THSD4: variants seen among roughly 807,000 people sequenced by gnomAD.
THSD4 encodes the protein thrombospondin type-1 domain-containing protein 4.
Under a neutral mutation model 119.0 loss-of-function variants are expected in THSD4, and 69 were observed. That is an observed-to-expected ratio of 0.58 (90% CI 0.48 to 0.71). The LOEUF (loss-of-function observed/expected upper bound fraction) is 0.71, where lower values mean the gene tolerates loss of function less well. Ranked by LOEUF, THSD4 falls within the 30% of genes least tolerant of loss-of-function variation. THSD4 has a pLI of 0.00. For missense variants in THSD4, 1,393 were observed against 1,391.1 expected (o/e 1.00, Z -0.02); for synonymous variants, 524 against 540.4 (o/e 0.97, Z 0.42).
chr15:71,611,213 G>T (rs536547391), intron 7 of THSD4, among the ~76,000 whole-genome samples: 53 of 152,312 alleles, frequency 3.5e-4, no homozygotes, highest in African/African-American at 1.2e-3. Context: ...GCCAGTTTCA[G>T]CGCATGGACT....
At chr15:71,331,159 G>A (rs566150001) in intron 6 of THSD4, among the ~76,000 whole-genome samples, 8 of 152,328 alleles carry the variant, frequency 5.3e-5, no homozygotes, top group African/African-American at 1.2e-4. Context: ...CTGTTTGGGC[G>A]TCTCCCCAGC....
intron 7 of THSD4, among the ~76,000 whole-genome samples, chr15:71,621,770 T>G (rs2050422684): frequency 6.6e-6 from 1 of 152,230 alleles, no homozygotes; most frequent in Non-Finnish European, 1.5e-5. Flanking sequence ...AACAAAAATA[T>G]TCACTTGTGC....
At chr15:71,215,529 A>G (rs773034131) in intron 4 of THSD4, 130 bp downstream of exon 4, 1 of 1,021,338 alleles carries the variant, frequency 9.8e-7, no homozygotes, top group Non-Finnish European at 1.3e-6. Context: ...CCAGGTGGCA[A>G]GGAGCTCTGG....
chr15:71,217,954 T>G (rs953119254), intron 4 of THSD4, among the ~76,000 whole-genome samples: 1 of 151,916 alleles, frequency 6.6e-6, no homozygotes, highest in African/African-American at 2.4e-5. Flanking sequence ...GCCTAGCTAA[T>G]TTTTGTATTT....
At chr15:71,399,896 CTG>C (rs2046503877) in intron 6 of THSD4, among the ~76,000 whole-genome samples, 1 of 152,072 alleles carries the variant, frequency 6.6e-6, no homozygotes, top group African/African-American at 2.4e-5. Context: ...AAAATTAGAA[CTG>C]TGTTTAAGTA....
intron 3 of THSD4, among the ~76,000 whole-genome samples, chr15:71,202,628 C>G (rs1379471431): frequency 6.6e-6 from 1 of 152,142 alleles, no homozygotes; most frequent in Non-Finnish European, 1.5e-5. Context: ...TTTTAAATTA[C>G]TTATCATAAG....
At chr15:71,225,343 C>A (rs1316996180) in intron 4 of THSD4, among the ~76,000 whole-genome samples, 4 of 152,034 alleles carry the variant, frequency 2.6e-5, no homozygotes, top group South Asian at 2.1e-4. Context: ...CAAGTCACCT[C>A]ATTTCTCTGG....
At chr15:71,490,388 G>C (rs1474818203) in intron 7 of THSD4, among the ~76,000 whole-genome samples, 2 of 152,000 alleles carry the variant, frequency 1.3e-5, no homozygotes, top group African/African-American at 4.8e-5. Context: ...GTGAAACCCC[G>C]TCTCTACTAA....
intron 6 of THSD4, among the ~76,000 whole-genome samples, chr15:71,279,005 C>T (rs984787644): frequency 5.3e-5 from 8 of 152,118 alleles, no homozygotes; most frequent in East Asian, 1.9e-4. Flanking sequence ...TGATTTTAAA[C>T]GGAGCAGCCT....
At chr15:71,669,715 A>G (rs1046515659) in intron 8 of THSD4, among the ~76,000 whole-genome samples, 1 of 152,130 alleles carries the variant, frequency 6.6e-6, no homozygotes, top group African/African-American at 2.4e-5. Flanking sequence ...TTTCCTCCAC[A>G]ATTACTTTCA....
intron 17 of THSD4, among the ~76,000 whole-genome samples, chr15:71,771,436 G>A (rs1284112896): frequency 6.6e-6 from 1 of 152,160 alleles, no homozygotes; most frequent in Non-Finnish European, 1.5e-5. Flanking sequence ...ACTTTAGTGT[G>A]GATTGATTAA....
At chr15:71,124,501 A>G (rs1281937337) in intron 1 of THSD4, among the ~76,000 whole-genome samples, 19 of 152,190 alleles carry the variant, frequency 1.2e-4, no homozygotes. Flanking sequence ...AAATATCCTG[A>G]TAGTCAACAA....
chr15:71,609,930 G>C (rs186941461), intron 7 of THSD4, among the ~76,000 whole-genome samples: 99 of 152,072 alleles, frequency 6.5e-4, no homozygotes, highest in African/African-American at 2.3e-3. Context: ...TATATCCCAG[G>C]CACTGAAAGA....
intron 10 of THSD4, chr15:71,733,779 A>G (rs2053027392): frequency 6.6e-6 from 1 of 151,880 alleles, no homozygotes; most frequent in South Asian, 2.1e-4. Context: ...AAGCAGCTGG[A>G]TGTGGTGGCA....
At chr15:71,325,160 A>T (rs2045322384) in intron 6 of THSD4, among the ~76,000 whole-genome samples, 1 of 152,136 alleles carries the variant, frequency 6.6e-6, no homozygotes, top group African/African-American at 2.4e-5. Flanking sequence ...TATATAACCA[A>T]CCCTTCTTGC....
At chr15:71,385,338 A>C (rs1208865944) in intron 6 of THSD4, among the ~76,000 whole-genome samples, 1 of 152,188 alleles carries the variant, frequency 6.6e-6, no homozygotes, top group Non-Finnish European at 1.5e-5. Context: ...CCTGGGGGTC[A>C]TTGGAGTCTG....
At chr15:71,352,998 T>C (rs900538560) in intron 6 of THSD4, among the ~76,000 whole-genome samples, 2 of 152,078 alleles carry the variant, frequency 1.3e-5, no homozygotes, top group Non-Finnish European at 2.9e-5. Context: ...GGTGGGACGA[T>C]TGGGAGAGGA....
intron 3 of THSD4, among the ~76,000 whole-genome samples, chr15:71,192,778 C>G (rs1015175183): frequency 2.0e-5 from 3 of 152,136 alleles, no homozygotes; most frequent in African/African-American, 4.8e-5. Context: ...TTGTCCATGA[C>G]AACTGTCTGT....
intron 6 of THSD4, among the ~76,000 whole-genome samples, chr15:71,366,490 CT>C (rs1257422433): frequency 6.6e-6 from 1 of 152,158 alleles, no homozygotes; most frequent in Non-Finnish European, 1.5e-5. Context: ...CTCATGGGCT[CT>C]TTTGAGAGTT....
Sources: gnomAD v4.1 joint callset for allele counts (sites outside exome capture counted in the v4.1 genomes callset) on GRCh38, gnomAD v4.1.1 for gene constraint, MANE v1.5 for transcripts, NCBI Gene and HGNC (gene_info 2026-07-23, HGNC 2026-07-21) for gene names.